ADAMDEC1: variants seen among roughly 807,000 people sequenced by gnomAD.
ADAMDEC1 encodes ADAM DEC1.
A neutral mutation model predicts 60.4 loss-of-function variants in ADAMDEC1; 62 were observed. That is an observed-to-expected ratio of 1.03 (90% CI 0.84 to 1.27). The LOEUF is 1.27. Ranked by LOEUF, ADAMDEC1 falls within the 50% of genes most tolerant of loss-of-function variation. The pLI, the probability that ADAMDEC1 is intolerant of heterozygous loss-of-function variation, is 0.00. For synonymous variants in ADAMDEC1, 210 were observed against 195.1 expected (o/e 1.08, Z -0.64); for missense variants, 595 against 565.0 (o/e 1.05, Z -0.54).
intron 10 of ADAMDEC1, 26 bp downstream of exon 10, chr8:24,399,500 C>T (rs201468586): frequency 1.3e-6 from 2 of 1,567,370 alleles, no homozygotes; most frequent in East Asian, 4.5e-5. Context: ...GTAAGGCTCT[C>T]TGTGGTTCTG....
intron 2 of ADAMDEC1, among the ~76,000 whole-genome samples, chr8:24,392,898 T>TG (rs1231620241): frequency 4.1e-5 from 6 of 146,604 alleles, no homozygotes; most frequent in East Asian, 2.0e-4. Context: ...TTTTTTTTTT[T>TG]TTTTTTTTTT....
At chr8:24,386,529 T>C (rs1817297699) in intron 1 of ADAMDEC1, among the ~76,000 whole-genome samples, 1 of 152,192 alleles carries the variant, frequency 6.6e-6, no homozygotes. Flanking sequence ...TTCACCAATC[T>C]ACTGCTCCTT....
chr8:24,404,843 C>T (rs148176541), intron 13 of ADAMDEC1, among the ~76,000 whole-genome samples: 10 of 152,222 alleles, frequency 6.6e-5, no homozygotes, highest in East Asian at 1.9e-4. Flanking sequence ...TAAGGACCAA[C>T]GCTTGTTTAT....
intron 6 of ADAMDEC1, 32 bp downstream of exon 6, chr8:24,397,488 T>G: frequency 6.2e-7 from 1 of 1,605,410 alleles, no homozygotes; most frequent in South Asian, 1.1e-5. Flanking sequence ...CATCATTTAC[T>G]TCAATTGTCT....
At chr8:24,394,961 G>T (rs953381355) in intron 4 of ADAMDEC1, among the ~76,000 whole-genome samples, 1 of 152,186 alleles carries the variant, frequency 6.6e-6, no homozygotes, top group Non-Finnish European at 1.5e-5. Context: ...TCCAAAAAGG[G>T]AGAAAAGACC....
intron 7 of ADAMDEC1, among the ~76,000 whole-genome samples, chr8:24,398,110 C>G (rs1278678003): frequency 6.6e-6 from 1 of 150,548 alleles, no homozygotes. Flanking sequence ...CTCTATATAA[C>G]TTAGAAACTA....
chr8:24,404,096 C>T lies in ADAMDEC1; in HGVS notation c.1406+8C>T. The T allele has an allele frequency of 6.2e-7, 1 of 1,609,428 alleles. No individual in the cohort carries two copies. Among genetic ancestry groups the T allele is most frequent in the Non-Finnish European group, 8.5e-7 (1 of 1,178,392 alleles). On this transcript the variant is annotated splice_region_variant and intron_variant, in intron 13 of 13. Coordinates refer to ENST00000256412, the MANE Select transcript of ADAMDEC1 (RefSeq NM_014479.3). The stretch of plus-strand genomic sequence containing the variant: ...TGCTCCAAACCATACCACGTAAGAC[C>T]TTTTGTTTTCTTTGTTCCAAAACGT...
At chr8:24,389,082 C>G (rs537927501) in intron 1 of ADAMDEC1, among the ~76,000 whole-genome samples, 2 of 152,234 alleles carry the variant, frequency 1.3e-5, no homozygotes, top group South Asian at 4.1e-4. Flanking sequence ...AGTACCTGCT[C>G]TTACACAAGG....
At chr8:24,402,480 G>A (rs1469821218) in intron 12 of ADAMDEC1, among the ~76,000 whole-genome samples, 1 of 152,072 alleles carries the variant, frequency 6.6e-6, no homozygotes, top group Non-Finnish European at 1.5e-5. Context: ...CATCAAGCCA[G>A]TGTATAAACC....
chr8:24,395,869 T>A, intron 5 of ADAMDEC1, 73 bp downstream of exon 5: 1 of 1,196,134 alleles, frequency 8.4e-7, no homozygotes, highest in Non-Finnish European at 1.2e-6. Flanking sequence ...TACTAGATAT[T>A]GTCTTCTTAC....
At chr8:24,390,121 C>A in intron 1 of ADAMDEC1, 1 of 555,548 alleles carries the variant, frequency 1.8e-6, no homozygotes, top group Non-Finnish European at 3.1e-6. Context: ...TTTTATTTAA[C>A]CTGACAGCCT....
Position 24,405,678 on chromosome 8 carries a change from T to C in ADAMDEC1, c.*380T>C. 5.6e-6 allele frequency: 1 copy of C among 177,542 alleles called. No individual in the cohort carries two copies. Among genetic ancestry groups the C allele is most frequent in the African/African-American group, 2.4e-5 (1 of 42,448 alleles). 11.0% of individuals were successfully genotyped at this position (177,542 alleles called of 1,614,324 possible). A position where few individuals can be genotyped will look rare whatever the true frequency, so the allele number is the denominator to read the frequency against. On this transcript the variant is annotated 3_prime_UTR_variant, in exon 14 of 14. Coordinates refer to ENST00000256412, the MANE Select transcript of ADAMDEC1 (RefSeq NM_014479.3). ...ACAAGTACTATGCTTTAATGCTTCT[T>C]TCATCTTACTAGTATGGCCTATAAA... is the stretch of plus-strand genomic sequence containing the variant.
chr8:24,398,767 T>C lies in ADAMDEC1; in HGVS notation c.763-107T>C, dbSNP rs1357514413. ...AAATTTTTACTTTCAAAATGGAAAT[T>C]CATTACTTGTAGTCCATCACTTTAT... is the stretch of plus-strand genomic sequence containing the variant. On this transcript the variant is annotated intron_variant, in intron 8 of 13. Coordinates refer to ENST00000256412, the MANE Select transcript of ADAMDEC1 (RefSeq NM_014479.3). 8.9e-6 allele frequency: 11 copies of C among 1,234,906 alleles called. No homozygotes were observed. The East Asian group carries it at 2.7e-4, about 30-fold the overall frequency. 76.5% of individuals were successfully genotyped at this position (1,234,906 alleles called of 1,614,324 possible). A position where few individuals can be genotyped will look rare whatever the true frequency, so the allele number is the denominator to read the frequency against.
rs956804542 is a variant in ADAMDEC1 at position 24,384,592 on chromosome 8, G to A, written c.88G>A (p.Ala30Thr). 1.2e-6 allele frequency: 2 copies of A among 1,607,616 alleles called. No homozygotes were observed. Among genetic ancestry groups the A allele is most frequent in the South Asian group, 1.1e-5 (1 of 90,116 alleles). ...ACTTTGGCTCATTGTTCAAACTCAA[G>A]GTACGTACCATCACACCAGCATTTT... ...PVLWLIVQTQAIAIKQTPELT... is the reference protein window; with the variant it reads ...PVLWLIVQTQTIAIKQTPELT... Residue 30 changes from alanine (A) to threonine (T), a missense_variant and splice_region_variant, in exon 1 of 14, where the codon GCA (alanine) becomes ACA (threonine). By Grantham distance (58) the Ala-to-Thr change is moderately conservative. Transcript: ENST00000256412.
intron 10 of ADAMDEC1, 146 bp downstream of exon 10, chr8:24,399,620 A>T: frequency 1.3e-6 from 1 of 741,102 alleles, no homozygotes; most frequent in Non-Finnish European, 2.4e-6. Context: ...CATTGCACTG[A>T]AGATCCCTTG....
intron 1 of ADAMDEC1, among the ~76,000 whole-genome samples, chr8:24,390,513 A>G (rs1006972969): frequency 6.6e-6 from 1 of 152,180 alleles, no homozygotes; most frequent in African/African-American, 2.4e-5. Context: ...CAAGTTCAGG[A>G]GTTCGAGACC....
intron 4 of ADAMDEC1, among the ~76,000 whole-genome samples, chr8:24,394,779 C>T (rs192084423): frequency 1.1e-4 from 17 of 152,130 alleles, no homozygotes; most frequent in African/African-American, 4.1e-4. Context: ...GTTCTTTGTT[C>T]CCCATGCTCA....
chr8:24,384,582 T>C lies in ADAMDEC1; in HGVS notation c.78T>C (p.Val26=). The C allele has an allele frequency of 6.2e-7, 1 of 1,610,698 alleles. No homozygotes were observed. Among genetic ancestry groups the C allele is most frequent in the Non-Finnish European group, 8.5e-7 (1 of 1,178,432 alleles). ...TGCTGCCTGTACTTTGGCTCATTGT[T>C]CAAACTCAAGGTACGTACCATCACA... ...WVLLPVLWLI[V]QTQAIAIKQT... The change falls in exon 1 of 14, where the codon GTT becomes GTC. Residue 26 remains valine (V), a synonymous_variant. Coordinates refer to ENST00000256412, the MANE Select transcript of ADAMDEC1 (RefSeq NM_014479.3).
In ADAMDEC1 at chr8:24,393,203, A is replaced by G. The variant is rs564106683; in HGVS notation, c.208-59A>G. The stretch of plus-strand genomic sequence containing the variant: ...TGTTCTTCTAATACATACTACATAT[A>G]TAATTATTTTAGTTATGCTCAGAAA... On this transcript the variant is annotated intron_variant, in intron 2 of 13. Coordinates refer to ENST00000256412, the MANE Select transcript of ADAMDEC1 (RefSeq NM_014479.3). 8 of 1,059,378 alleles carry G rather than the reference A, an allele frequency of 7.6e-6. No homozygotes were observed. The African/African-American group carries it at 9.7e-5, about 13-fold the overall frequency. The allele number at this position is 1,059,378 out of a possible 1,614,324, so 65.6% of individuals were successfully genotyped here.
Sources: allele counts gnomAD v4.1 joint callset (sites outside exome capture counted in the v4.1 genomes callset), GRCh38; gene constraint gnomAD v4.1.1; transcripts MANE v1.5; gene names NCBI Gene and HGNC (gene_info 2026-07-23, HGNC 2026-07-21).